CSMD1: variants seen among roughly 807,000 people sequenced by gnomAD.
CSMD1 encodes CUB and Sushi multiple domains 1.
A neutral mutation model predicts 417.5 loss-of-function variants in CSMD1; 213 were observed. That is an observed-to-expected ratio of 0.51 (90% confidence interval 0.46 to 0.57). The LOEUF (loss-of-function observed/expected upper bound fraction) is 0.57, where lower values mean the gene tolerates loss of function less well. CSMD1 is among the 20% of genes least tolerant of loss of function. The pLI is 0.00. For missense variants in CSMD1, 6,923 were observed against 4,529.7 expected, an observed-to-expected ratio of 1.53 and a Z score of -15.17; for synonymous variants, 2,862 against 1,736.8, an observed-to-expected ratio of 1.65 and a Z score of -16.11.
intron 6 of CSMD1, among the ~76,000 whole-genome samples, chr8:3,719,519 G>A (rs1802027102): frequency 6.6e-6 from 1 of 152,314 alleles, no homozygotes; most frequent in African/African-American, 2.4e-5. Flanking sequence ...TCATTACAAT[G>A]AAGACTTTGG....
intron 1 of CSMD1, among the ~76,000 whole-genome samples, chr8:4,674,997 G>C (rs926231022): frequency 6.6e-6 from 1 of 152,182 alleles, no homozygotes; most frequent in Non-Finnish European, 1.5e-5. Flanking sequence ...TCCAAACCAA[G>C]AAGAGAGCCT....
intron 1 of CSMD1, among the ~76,000 whole-genome samples, chr8:4,689,476 AG>A (rs1584948482): frequency 6.6e-6 from 1 of 152,312 alleles, no homozygotes. Flanking sequence ...TGGGGAAAAA[AG>A]GGTTTTCTTT....
chr8:3,508,765 G>C (rs11781697), intron 10 of CSMD1, among the ~76,000 whole-genome samples: 34,574 of 151,966 alleles, frequency 0.23, 4,505 homozygotes, highest in Middle Eastern at 0.32. Context: ...AGACCGAATA[G>C]AGGACAGAAC....
chr8:4,923,678 C>T (rs565443154), intron 1 of CSMD1, among the ~76,000 whole-genome samples: 7 of 152,246 alleles, frequency 4.6e-5, no homozygotes, highest in South Asian at 2.1e-4. Context: ...TACCTATCCA[C>T]GGAGAGCACT....
intron 1 of CSMD1, among the ~76,000 whole-genome samples, chr8:4,675,859 C>T (rs1241558641): frequency 1.3e-5 from 2 of 151,938 alleles, no homozygotes; most frequent in Non-Finnish European, 2.9e-5. Context: ...TAGTAAGGTG[C>T]CTAATTGTTT....
intron 12 of CSMD1, among the ~76,000 whole-genome samples, chr8:3,459,217 G>C (rs1011264447): frequency 6.6e-6 from 1 of 152,198 alleles, no homozygotes; most frequent in African/African-American, 2.4e-5. Flanking sequence ...GCACCGTGGT[G>C]GGGCACACGG....
At chr8:3,104,915 A>G (rs1563345131) in intron 46 of CSMD1, among the ~76,000 whole-genome samples, 1 of 152,146 alleles carries the variant, frequency 6.6e-6, no homozygotes, top group Admixed American at 6.5e-5. Context: ...CCTGTTGGTC[A>G]GGCTGGTCTC....
chr8:3,134,929 C>T lies in CSMD1; in HGVS notation c.6241+7536G>A, dbSNP rs1233784909. Among the ~76,000 whole-genome samples the T allele has an allele frequency of 2.0e-5, 3 of 152,240 alleles. No individual in the cohort carries two copies. The East Asian group carries it at 5.8e-4, about 29-fold the overall frequency. ...CACCATACGTAACAGTTATTATTGT[C>T]ATTATTATTACTGAGACAGGGTCTC... On this transcript the variant is annotated intron_variant, in intron 41 of 69. Coordinates refer to ENST00000635120, the MANE Select transcript of CSMD1 (RefSeq NM_033225.6).
chr8:3,916,621 T>C (rs1808847845), intron 5 of CSMD1, among the ~76,000 whole-genome samples: 1 of 152,172 alleles, frequency 6.6e-6, no homozygotes, highest in South Asian at 2.1e-4. Flanking sequence ...CGACTGCAAA[T>C]GTACTTAACA....
At chr8:3,644,299 G>A (rs1797463330) in intron 7 of CSMD1, among the ~76,000 whole-genome samples, 1 of 152,240 alleles carries the variant, frequency 6.6e-6, no homozygotes. Flanking sequence ...CACTGCCTGT[G>A]ATCAATTTTG....
chr8:4,874,381 C>A (rs916038510), intron 1 of CSMD1, among the ~76,000 whole-genome samples: 110 of 129,476 alleles, frequency 8.5e-4, no homozygotes, highest in African/African-American at 2.8e-3. Context: ...TCTTTCAATC[C>A]GATTGTATTT....
chr8:4,115,033 G>C (rs146233024), intron 3 of CSMD1, among the ~76,000 whole-genome samples: 5 of 152,286 alleles, frequency 3.3e-5, no homozygotes, highest in African/African-American at 1.2e-4. Flanking sequence ...TGGTTTGAAA[G>C]AATTGATTCA....
intron 3 of CSMD1, among the ~76,000 whole-genome samples, chr8:4,341,495 C>A (rs543675062): frequency 6.6e-6 from 1 of 152,050 alleles, no homozygotes; most frequent in Non-Finnish European, 1.5e-5. Context: ...GACTACTCTG[C>A]ATATCATGAA....
chr8:3,844,835 C>G (rs10110695), intron 5 of CSMD1, among the ~76,000 whole-genome samples: 3 of 151,738 alleles, frequency 2.0e-5, no homozygotes, highest in African/African-American at 7.3e-5. Flanking sequence ...TTGTTTTTGT[C>G]TTTTGAAGGG....
intron 1 of CSMD1, among the ~76,000 whole-genome samples, chr8:4,763,109 C>T (rs1436286392): frequency 6.6e-6 from 1 of 152,224 alleles, no homozygotes; most frequent in African/African-American, 2.4e-5. Context: ...ATACCAAACT[C>T]AGCATGAAGT....
intron 1 of CSMD1, among the ~76,000 whole-genome samples, chr8:4,747,163 G>C (rs938492354): frequency 1.1e-4 from 16 of 152,082 alleles, no homozygotes; most frequent in Non-Finnish European, 2.1e-4. Context: ...TTTACTTATA[G>C]GGGGAGAGGA....
chr8:4,842,132 A>G (rs912607999), intron 1 of CSMD1, among the ~76,000 whole-genome samples: 2 of 152,148 alleles, frequency 1.3e-5, no homozygotes, highest in East Asian at 3.9e-4. Flanking sequence ...CACCAGCCAA[A>G]CCGCCTTAGA....
intron 5 of CSMD1, among the ~76,000 whole-genome samples, chr8:3,925,829 T>C (rs1395915378): frequency 1.3e-5 from 2 of 152,020 alleles, no homozygotes; most frequent in Non-Finnish European, 2.9e-5. Context: ...AACCAACTAA[T>C]ACGGGCAGTG....
At chr8:4,914,403 C>T (rs1207558187) in intron 1 of CSMD1, among the ~76,000 whole-genome samples, 5 of 151,936 alleles carry the variant, frequency 3.3e-5, no homozygotes, top group Non-Finnish European at 5.9e-5. Context: ...GGTGAAACTC[C>T]GTCTCCACTA....
Sources: gnomAD v4.1 joint callset for allele counts (sites outside exome capture counted in the v4.1 genomes callset) on GRCh38, gnomAD v4.1.1 for gene constraint, MANE v1.5 for transcripts, NCBI Gene and HGNC (gene_info 2026-07-23, HGNC 2026-07-21) for gene names.